Variants in FGD4 observed in about 807,000 individuals in gnomAD.
The protein encoded by FGD4 is FYVE, RhoGEF and PH domain containing 4.
A neutral mutation model predicts 102.0 loss-of-function variants in FGD4; 42 were observed. That is an observed-to-expected ratio of 0.41 (90% CI 0.32 to 0.53). The LOEUF (loss-of-function observed/expected upper bound fraction) is 0.53. Among genes scored for constraint, FGD4 ranks in the 20% least tolerant of loss-of-function variants. The pLI is 0.21. For missense variants in FGD4, 902 were observed against 1,078.2 expected (o/e 0.84, Z 2.29); for synonymous variants, 380 against 375.7 (o/e 1.01, Z -0.13).
chr12:32,574,422 G>C (rs2136358515), intron 2 of FGD4, among the ~76,000 whole-genome samples: 1 of 151,228 alleles, frequency 6.6e-6, no homozygotes, highest in South Asian at 2.1e-4. Context: ...TTTTTGGTGG[G>C]AGATTTTCCT....
At chr12:32,416,560 G>A (rs1374118948) in intron 1 of FGD4, among the ~76,000 whole-genome samples, 7 of 151,758 alleles carry the variant, frequency 4.6e-5, no homozygotes, top group Non-Finnish European at 5.9e-5. Context: ...ATTAGTATTC[G>A]GTTTGCAAAT....
intron 1 of FGD4, among the ~76,000 whole-genome samples, chr12:32,519,030 G>A (rs1191228721): frequency 4.1e-5 from 6 of 147,838 alleles, no homozygotes; most frequent in African/African-American, 1.0e-4. Context: ...CAGGAGAATC[G>A]CTTGAACCAG....
intron 1 of FGD4, among the ~76,000 whole-genome samples, chr12:32,542,722 T>C (rs1366599331): frequency 6.6e-6 from 1 of 152,260 alleles, no homozygotes; most frequent in African/African-American, 2.4e-5. Flanking sequence ...TTTCACACTT[T>C]ATGAAGTCAA....
At chr12:32,479,278 A>G (rs2136539911) in intron 1 of FGD4, among the ~76,000 whole-genome samples, 1 of 152,274 alleles carries the variant, frequency 6.6e-6, no homozygotes, top group East Asian at 1.9e-4. Flanking sequence ...ACTTAATCAT[A>G]TTTAATAGGA....
chr12:32,619,717 A>C lies in FGD4; in HGVS notation c.1769A>C (p.Tyr590Ser), dbSNP rs1280534276. The C allele has an allele frequency of 2.5e-6, 4 of 1,614,134 alleles. No individual in the cohort carries two copies. Among genetic ancestry groups the C allele is most frequent in the Non-Finnish European group, 3.4e-6 (4 of 1,180,026 alleles). Residue 590 changes from tyrosine to serine, a missense_variant, in exon 11 of 17, where the codon TAC becomes TCC. Physicochemically the swap from Tyr to Ser is moderately radical, Grantham distance 144. Coordinates refer to ENST00000534526, the MANE Select transcript of FGD4 (RefSeq NM_001370298.3). The part of the protein sequence containing the change: ...YLFLFNNMLL[Y>S]CVPKFSLVGS... ...TTGCAGTTCAACAACATGTTGCTGTACTGTGTGCCCAAATTCAGCTTGGTA... is the reference window on the plus strand; with the variant it reads ...TTGCAGTTCAACAACATGTTGCTGTCCTGTGTGCCCAAATTCAGCTTGGTA...
intron 16 of FGD4, among the ~76,000 whole-genome samples, chr12:32,639,345 G>A (rs1349270031): frequency 3.3e-5 from 5 of 152,114 alleles, no homozygotes; most frequent in Non-Finnish European, 7.4e-5. Context: ...TATATTTTTA[G>A]TAGAGACAGG....
intron 1 of FGD4, among the ~76,000 whole-genome samples, chr12:32,406,389 A>G (rs1356668402): frequency 6.6e-6 from 1 of 151,796 alleles, no homozygotes; most frequent in Non-Finnish European, 1.5e-5. Context: ...CCCTGTCTCT[A>G]CTAAAAATAC....
intron 1 of FGD4, among the ~76,000 whole-genome samples, chr12:32,420,466 G>A (rs1941589534): frequency 1.3e-5 from 2 of 152,014 alleles, no homozygotes; most frequent in South Asian, 4.1e-4. Context: ...CTTCTGTGCT[G>A]TCTTGAGCAA....
In FGD4 at chr12:32,640,716, C is replaced by A. The variant is rs1198448836; in HGVS notation, c.*183C>A. On this transcript the variant is annotated 3_prime_UTR_variant, in exon 17 of 17. Coordinates refer to ENST00000534526, the MANE Select transcript of FGD4 (RefSeq NM_001370298.3). ...GAAATTAGTGTGCAGAGTCATTCTA[C>A]CGATAAAGTTTTGAAATAATGTGAA... The A allele has an allele frequency of 4.8e-6, 4 of 827,876 alleles. No homozygotes were observed. The highest frequency in any genetic ancestry group is 7.4e-6 in the Non-Finnish European group (4 of 539,864). 51.3% of individuals were successfully genotyped at this position (827,876 alleles called of 1,614,324 possible).
At chr12:32,605,475 A>G (rs1263690159) in intron 7 of FGD4, among the ~76,000 whole-genome samples, 1 of 152,022 alleles carries the variant, frequency 6.6e-6, no homozygotes, top group Non-Finnish European at 1.5e-5. Flanking sequence ...TTCTTTTCAT[A>G]CTTTTCAGTG....
rs1466088130 is a variant in FGD4 at position 32,643,333 on chromosome 12, A to G, written c.*2800A>G. ...GGGTATGGTTTTATACTGAAAATTT[A>G]ATATGAAGGCCCCTTCCCACAAGAA... On this transcript the variant is annotated 3_prime_UTR_variant, in exon 17 of 17. Transcript: ENST00000534526. 1.3e-5 allele frequency: 2 copies of G among 152,498 alleles called. No homozygotes were observed. Among genetic ancestry groups the G allele is most frequent in the African/African-American group, 4.8e-5 (2 of 41,424 alleles). 9.4% of individuals were successfully genotyped at this position (152,498 alleles called of 1,614,324 possible).
chr12:32,593,223 G>A (rs934461279), intron 4 of FGD4, among the ~76,000 whole-genome samples: 4 of 152,138 alleles, frequency 2.6e-5, no homozygotes, highest in Admixed American at 2.6e-4. Context: ...TTATAACAGT[G>A]TCTGGCATAC....
intron 10 of FGD4, among the ~76,000 whole-genome samples, chr12:32,612,884 T>C (rs1949234822): frequency 6.6e-6 from 1 of 152,324 alleles, no homozygotes; most frequent in Non-Finnish European, 1.5e-5. Context: ...TTATCTCAAA[T>C]ATAAGAGCAC....
intron 1 of FGD4, among the ~76,000 whole-genome samples, chr12:32,435,764 A>C (rs1392083420): frequency 2.0e-5 from 3 of 152,166 alleles, no homozygotes; most frequent in African/African-American, 7.2e-5. Flanking sequence ...GATTACATAA[A>C]ATGGTCCATC....
chr12:32,609,523 T>C (rs757927345), intron 8 of FGD4, among the ~76,000 whole-genome samples: 1 of 152,198 alleles, frequency 6.6e-6, no homozygotes, highest in Non-Finnish European at 1.5e-5. Context: ...TCAGAATAGT[T>C]CTTTAAAATG....
intron 2 of FGD4, among the ~76,000 whole-genome samples, chr12:32,573,708 C>T (rs1284566992): frequency 6.6e-6 from 1 of 152,086 alleles, no homozygotes; most frequent in African/African-American, 2.4e-5. Flanking sequence ...ATTTACTGTA[C>T]ATTTACATTT....
intron 1 of FGD4, among the ~76,000 whole-genome samples, chr12:32,401,942 G>A (rs1329801153): frequency 4.5e-5 from 6 of 133,572 alleles, no homozygotes; most frequent in African/African-American, 1.1e-4. Flanking sequence ...TGGCTCTGTC[G>A]CCCAGGCTGG....
chr12:32,409,548 A>G (rs1941113224), intron 1 of FGD4, among the ~76,000 whole-genome samples: 1 of 148,770 alleles, frequency 6.7e-6, no homozygotes, highest in African/African-American at 2.5e-5. Context: ...CGGCTTTCCA[A>G]AGTGCTGGGA....
intron 11 of FGD4, among the ~76,000 whole-genome samples, chr12:32,620,663 A>G (rs1232945946): frequency 7.1e-6 from 1 of 141,556 alleles, no homozygotes; most frequent in Non-Finnish European, 1.5e-5. Context: ...AGTAGCTGGG[A>G]TTACAGGCGC....
Sources: gnomAD v4.1 joint callset for allele counts (sites outside exome capture counted in the v4.1 genomes callset) on GRCh38, gnomAD v4.1.1 for gene constraint, MANE v1.5 for transcripts, NCBI Gene and HGNC (gene_info 2026-07-23, HGNC 2026-07-21) for gene names.